Variants in SEMA6D observed in about 807,000 individuals in gnomAD.
SEMA6D encodes the protein semaphorin 6D, also known as semaphorin-6D.
A neutral mutation model predicts 106.6 loss-of-function variants in SEMA6D; 35 were observed. The observed-to-expected ratio is 0.33, with a 90% confidence interval of 0.25 to 0.44. The LOEUF (loss-of-function observed/expected upper bound fraction) is 0.44, where lower values mean the gene tolerates loss of function less well. Among genes scored for constraint, SEMA6D ranks in the 20% least tolerant of loss-of-function variants. The probability of loss-of-function intolerance (pLI) is 1.00; values close to 1 mark genes in which losing one functional copy is unlikely to be tolerated. For missense variants in SEMA6D, 1,185 were observed against 1,345.9 expected (o/e 0.88, Z 1.87); for synonymous variants, 499 against 487.7 (o/e 1.02, Z -0.31).
chr15:47,320,203 C>G (rs1214236103), intron 1 of SEMA6D, among the ~76,000 whole-genome samples: 2 of 152,130 alleles, frequency 1.3e-5, no homozygotes, highest in Non-Finnish European at 2.9e-5. Context: ...GTGGATATCT[C>G]TGTAGGGATG....
At chr15:47,227,570 C>G (rs1188370963) in intron 1 of SEMA6D, among the ~76,000 whole-genome samples, 12 of 23,688 alleles carry the variant, frequency 5.1e-4, no homozygotes, top group Admixed American at 3.5e-3. Context: ...CTCTCTCTCT[C>G]ACACACACAC....
intron 2 of SEMA6D, among the ~76,000 whole-genome samples, chr15:47,444,098 A>C (rs577830038): frequency 6.6e-6 from 1 of 152,124 alleles, no homozygotes; most frequent in South Asian, 2.1e-4. Flanking sequence ...TTCAACAACT[A>C]CATCTTGGAC....
chr15:47,614,631 G>A (rs1415107444), intron 4 of SEMA6D, among the ~76,000 whole-genome samples: 2 of 152,054 alleles, frequency 1.3e-5, no homozygotes, highest in Non-Finnish European at 2.9e-5. Flanking sequence ...ATCTCACTAA[G>A]TACTTTGGTG....
chr15:47,586,241 G>A (rs1330006105), intron 3 of SEMA6D, among the ~76,000 whole-genome samples: 1 of 152,118 alleles, frequency 6.6e-6, no homozygotes, highest in Non-Finnish European at 1.5e-5. Context: ...CTTATTTAGT[G>A]TACAAACAGT....
rs139167365 is a variant in SEMA6D, at chr15:47,249,182, C to T, written c.-239+64764C>T. On this transcript the variant is annotated intron_variant, in intron 1 of 19. Transcript: ENST00000558014. ...GGCAGAGATTGCAGTGAGCCAAGATCATGCAACTGCACTCCAGCCTGGGCG... is the reference window on the plus strand; with the variant it reads ...GGCAGAGATTGCAGTGAGCCAAGATTATGCAACTGCACTCCAGCCTGGGCG... Among the ~76,000 whole-genome samples, 595 of 152,262 alleles carry T rather than the reference C, an allele frequency of 3.9e-3. 41 individuals carry two copies. In the East Asian group the frequency reaches 0.1, roughly 25 times the overall value.
At chr15:47,287,449 G>C (rs977792093) in intron 1 of SEMA6D, among the ~76,000 whole-genome samples, 2 of 152,232 alleles carry the variant, frequency 1.3e-5, no homozygotes, top group South Asian at 4.1e-4. Context: ...GAGCGCCCTA[G>C]ATTCTAATAA....
chr15:47,696,115 C>T (rs1446235079), intron 4 of SEMA6D, among the ~76,000 whole-genome samples: 1 of 152,102 alleles, frequency 6.6e-6, no homozygotes, highest in Non-Finnish European at 1.5e-5. Flanking sequence ...CTTCCTTGAC[C>T]TAAGTTGATG....
At chr15:47,663,788 T>A (rs2077974252) in intron 4 of SEMA6D, among the ~76,000 whole-genome samples, 1 of 152,150 alleles carries the variant, frequency 6.6e-6, no homozygotes, top group African/African-American at 2.4e-5. Context: ...AAAATGTCAC[T>A]CTCTTTCAGA....
At chr15:47,385,686 TA>T (rs201948435) in intron 1 of SEMA6D, among the ~76,000 whole-genome samples, 37 of 143,626 alleles carry the variant, frequency 2.6e-4, no homozygotes, top group African/African-American at 6.2e-4. Context: ...GAATTTTTTT[TA>T]AAAAAAACAA....
At chr15:47,227,526 T>C (rs1176161486) in intron 1 of SEMA6D, among the ~76,000 whole-genome samples, 2 of 146,690 alleles carry the variant, frequency 1.4e-5, no homozygotes, top group Non-Finnish European at 3.0e-5. Context: ...TTTTTCTTTC[T>C]TCCTCTTTCT....
intron 1 of SEMA6D, among the ~76,000 whole-genome samples, chr15:47,186,690 T>A (rs1282494000): frequency 6.6e-6 from 1 of 152,186 alleles, no homozygotes; most frequent in Non-Finnish European, 1.5e-5. Flanking sequence ...GAACAATGAA[T>A]CAACCAGGTT....
intron 3 of SEMA6D, among the ~76,000 whole-genome samples, chr15:47,551,393 A>G (rs1347471): frequency 0.99 from 150,911 of 152,252 alleles, 74,802 homozygotes; most frequent in Middle Eastern, 1. Context: ...GACCTTAGAG[A>G]CAATTAGACT....
chr15:47,369,427 C>G (rs886219798), intron 1 of SEMA6D, among the ~76,000 whole-genome samples: 1 of 152,110 alleles, frequency 6.6e-6, no homozygotes, highest in Non-Finnish European at 1.5e-5. Context: ...AATTGTCGTC[C>G]CACATCTTTC....
At chr15:47,565,612 G>A (rs927568475) in intron 3 of SEMA6D, among the ~76,000 whole-genome samples, 5 of 152,180 alleles carry the variant, frequency 3.3e-5, no homozygotes, top group Admixed American at 1.3e-4. Flanking sequence ...GGGAGGCATC[G>A]AACCACAAGG....
intron 1 of SEMA6D, among the ~76,000 whole-genome samples, chr15:47,721,977 A>T (rs181643650): frequency 6.6e-6 from 1 of 152,130 alleles, no homozygotes; most frequent in Non-Finnish European, 1.5e-5. Flanking sequence ...GGCTACAGCA[A>T]TTTTTTCTTC....
At chr15:47,528,958 A>G (rs2044854273) in intron 3 of SEMA6D, among the ~76,000 whole-genome samples, 1 of 152,216 alleles carries the variant, frequency 6.6e-6, no homozygotes, top group African/African-American at 2.4e-5. Context: ...TTCATGTTAT[A>G]CATACTATAT....
In SEMA6D at chr15:47,704,446, C is replaced by T. The variant is rs1208538897; in HGVS notation, c.-54-55299C>T. On this transcript the variant is annotated intron_variant, in intron 4 of 19. Coordinates refer to the SEMA6D transcript ENST00000558014. ...ATAATTCATATTTTGAGGCCAGGAACAGCAGCTCACGCCTGTAATCCCAGC... is the reference window on the plus strand; with the variant it reads ...ATAATTCATATTTTGAGGCCAGGAATAGCAGCTCACGCCTGTAATCCCAGC... Among the ~76,000 whole-genome samples, 3 of 152,168 alleles carry T rather than the reference C, an allele frequency of 2.0e-5. No homozygotes were observed. In the East Asian group the frequency reaches 5.8e-4, roughly 29 times the overall value.
At chr15:47,242,110 T>C (rs1017719225) in intron 1 of SEMA6D, among the ~76,000 whole-genome samples, 1 of 152,134 alleles carries the variant, frequency 6.6e-6, no homozygotes, top group Non-Finnish European at 1.5e-5. Flanking sequence ...AAAGATAATT[T>C]CTTTTTTACA....
chr15:47,338,515 A>C (rs568535563), intron 1 of SEMA6D, among the ~76,000 whole-genome samples: 1 of 152,184 alleles, frequency 6.6e-6, no homozygotes, highest in Non-Finnish European at 1.5e-5. Context: ...TGTACCCACA[A>C]AAATTTTAAA....
Sources: gnomAD v4.1 joint callset for allele counts (sites outside exome capture counted in the v4.1 genomes callset) on GRCh38, gnomAD v4.1.1 for gene constraint, MANE v1.5 for transcripts, NCBI Gene and HGNC (gene_info 2026-07-23, HGNC 2026-07-21) for gene names.